Variants in RALYL observed in about 807,000 individuals in gnomAD.
The protein encoded by RALYL is RALY RNA binding protein like.
A neutral mutation model predicts 35.1 loss-of-function variants in RALYL; 29 were observed. That is an observed-to-expected ratio of 0.83 (90% confidence interval 0.61 to 1.13). RALYL has a LOEUF of 1.13. Among genes scored for constraint, RALYL ranks in the 50% most tolerant of loss-of-function variants. The pLI is 0.00. For missense variants in RALYL, 359 were observed against 360.4 expected (o/e 1.00, Z 0.03); for synonymous variants, 120 against 127.6 (o/e 0.94, Z 0.40).
intron 1 of RALYL, among the ~76,000 whole-genome samples, chr8:84,201,031 A>C (rs1482743607): frequency 6.6e-6 from 1 of 152,202 alleles, no homozygotes; most frequent in African/African-American, 2.4e-5. Flanking sequence ...ACAGTGCAGA[A>C]GGAGCTGATG....
intron 1 of RALYL, among the ~76,000 whole-genome samples, chr8:84,468,199 G>T (rs2052034010): frequency 6.6e-6 from 1 of 151,652 alleles, no homozygotes; most frequent in Admixed American, 6.6e-5. Flanking sequence ...ATTATAGCTG[G>T]TGATTTTGCT....
intron 1 of RALYL, among the ~76,000 whole-genome samples, chr8:84,443,548 T>C (rs2048553896): frequency 6.6e-6 from 1 of 152,136 alleles, no homozygotes; most frequent in Non-Finnish European, 1.5e-5. Context: ...GCTTAATGCA[T>C]GTCTACTCAG....
chr8:84,742,269 A>C (rs1807550126), intron 2 of RALYL, among the ~76,000 whole-genome samples: 1 of 151,956 alleles, frequency 6.6e-6, no homozygotes, highest in Admixed American at 6.6e-5. Flanking sequence ...TGCCAACAAG[A>C]ATCAGTGTTC....
chr8:84,880,237 G>A (rs13255168), intron 7 of RALYL, among the ~76,000 whole-genome samples: 65,080 of 151,774 alleles, frequency 0.43, 17,298 homozygotes, highest in Non-Finnish European at 0.58. Flanking sequence ...CTCTCAAATG[G>A]GCAGAGAAAG....
chr8:84,392,448 A>T (rs1860906962), intron 1 of RALYL, among the ~76,000 whole-genome samples: 3 of 152,100 alleles, frequency 2.0e-5, no homozygotes, highest in Non-Finnish European at 2.9e-5. Flanking sequence ...ACAAAAAAAA[A>T]AATTGAATCA....
At chr8:84,888,214 C>T (rs1011487273) in intron 8 of RALYL, among the ~76,000 whole-genome samples, 5 of 152,198 alleles carry the variant, frequency 3.3e-5, no homozygotes, top group African/African-American at 1.2e-4. Context: ...CTACAGTGTG[C>T]TCCCTAAGAT....
chr8:84,881,137 C>T (rs932011761), intron 7 of RALYL, among the ~76,000 whole-genome samples: 1 of 151,898 alleles, frequency 6.6e-6, no homozygotes, highest in South Asian at 2.1e-4. Context: ...CAAAAATGTA[C>T]TCACATAACT....
chr8:84,355,810 G>A (rs1851713399), intron 1 of RALYL, among the ~76,000 whole-genome samples: 1 of 150,312 alleles, frequency 6.7e-6, no homozygotes, highest in Non-Finnish European at 1.5e-5. Flanking sequence ...TGAAGAGGTA[G>A]TGATAAAGGT....
rs1021919417 is a variant in RALYL, at chr8:84,183,502, G to C, written c.-946G>C. On this transcript the variant is annotated 5_prime_UTR_variant, in exon 1 of 9. Coordinates refer to ENST00000521268, the MANE Select transcript of RALYL (RefSeq NM_173848.7). Reference sequence around the variant, plus strand: ...GGCAGAGACTGCGAGAAAAAAACGCGCTTCATTCCTTCTTCCACCGCCATA... The same window carrying C: ...GGCAGAGACTGCGAGAAAAAAACGCCCTTCATTCCTTCTTCCACCGCCATA... 6.6e-6 allele frequency: 1 copy of C among 152,328 alleles called. No homozygotes were observed. The highest frequency in any genetic ancestry group is 2.4e-5 in the African/African-American group (1 of 41,440). 9.4% of individuals were successfully genotyped at this position (152,328 alleles called of 1,614,324 possible).
intron 3 of RALYL, among the ~76,000 whole-genome samples, chr8:84,798,842 G>A (rs1484685624): frequency 6.6e-6 from 1 of 152,152 alleles, no homozygotes. Context: ...AAAGCAGGAT[G>A]CGGGAAAGCA....
intron 1 of RALYL, among the ~76,000 whole-genome samples, chr8:84,372,890 T>TTTTTTTTTTGTTTTGTTTTG (rs1856107342): frequency 8.9e-6 from 1 of 111,732 alleles, no homozygotes; most frequent in African/African-American, 4.1e-5. Flanking sequence ...GCATCTGTTT[T>TTTTTTTTTTGTTTTGTTTTG]TTTTTTTTTT....
intron 1 of RALYL, among the ~76,000 whole-genome samples, chr8:84,456,636 T>C (rs1161275496): frequency 6.6e-6 from 1 of 152,008 alleles, no homozygotes; most frequent in Admixed American, 6.6e-5. Flanking sequence ...AGATAATCAT[T>C]GCGTTCCTAC....
intron 1 of RALYL, among the ~76,000 whole-genome samples, chr8:84,390,504 T>G (rs193232162): frequency 1.1e-4 from 16 of 152,118 alleles, no homozygotes; most frequent in African/African-American, 3.9e-4. Flanking sequence ...GTATTGATTA[T>G]TGCCACAATT....
intron 1 of RALYL, among the ~76,000 whole-genome samples, chr8:84,201,984 G>C (rs972656284): frequency 2.0e-5 from 3 of 151,954 alleles, no homozygotes; most frequent in Non-Finnish European, 2.9e-5. Flanking sequence ...CCTCACAACA[G>C]GTGTTAGGAT....
At chr8:84,212,298 A>G (rs868816086) in intron 1 of RALYL, among the ~76,000 whole-genome samples, 28 of 152,266 alleles carry the variant, frequency 1.8e-4, no homozygotes, top group Non-Finnish European at 2.6e-4. Context: ...TAAAAGTGGT[A>G]TTCTAGCTTT....
At chr8:84,522,531 G>A (rs1419004361) in intron 1 of RALYL, among the ~76,000 whole-genome samples, 1 of 152,014 alleles carries the variant, frequency 6.6e-6, no homozygotes, top group Admixed American at 6.6e-5. Context: ...TTACAGGCGT[G>A]AGCCACCGCG....
intron 4 of RALYL, among the ~76,000 whole-genome samples, chr8:84,817,911 G>A (rs767684250): frequency 5.3e-5 from 8 of 152,204 alleles, no homozygotes; most frequent in Admixed American, 1.3e-4. Flanking sequence ...CTGACACATC[G>A]TAAACAGGAA....
chr8:84,745,861 T>C (rs1808483555), intron 2 of RALYL, among the ~76,000 whole-genome samples: 2 of 152,014 alleles, frequency 1.3e-5, no homozygotes, highest in Non-Finnish European at 2.9e-5. Flanking sequence ...TTTTTTAGCC[T>C]GGACTTCTCT....
intron 1 of RALYL, among the ~76,000 whole-genome samples, chr8:84,216,406 A>T (rs1820832356): frequency 6.6e-6 from 1 of 152,130 alleles, no homozygotes; most frequent in South Asian, 2.1e-4. Flanking sequence ...ATAAGAGACA[A>T]CCTTTAAAAA....
Sources: allele counts gnomAD v4.1 joint callset (sites outside exome capture counted in the v4.1 genomes callset), GRCh38; gene constraint gnomAD v4.1.1; transcripts MANE v1.5; gene names NCBI Gene and HGNC (gene_info 2026-07-23, HGNC 2026-07-21).